Variants in SOX5 observed in about 807,000 individuals in gnomAD.
SOX5 encodes SRY-box transcription factor 5, also known as transcription factor SOX-5.
SOX5 carries 9 observed loss-of-function variants against 92.0 expected under a neutral mutation model. That is an observed-to-expected ratio of 0.10 (90% confidence interval 0.06 to 0.17). The LOEUF (loss-of-function observed/expected upper bound fraction) is 0.17, where lower values mean the gene tolerates loss of function less well. Ranked by LOEUF, SOX5 falls within the 10% of genes least tolerant of loss-of-function variation. The pLI is 1.00. For synonymous variants in SOX5, 344 were observed against 336.3 expected (o/e 1.02, Z -0.25); for missense variants, 642 against 944.5 (o/e 0.68, Z 4.20).
chr12:23,571,683 A>G (rs1948404638), intron 10 of SOX5, among the ~76,000 whole-genome samples: 1 of 152,206 alleles, frequency 6.6e-6, no homozygotes, highest in African/African-American at 2.4e-5. Context: ...ATAAGTTACT[A>G]GATTTTTATG....
rs188713507 is a variant in SOX5 at position 23,710,952 on chromosome 12, A to G, written c.810+23732T>C. 2.6e-5 allele frequency among the ~76,000 whole-genome samples: 4 copies of G among 152,298 alleles called. No individual in the cohort carries two copies. The East Asian group carries it at 7.7e-4, about 29-fold the overall frequency. On this transcript the variant is annotated intron_variant, in intron 6 of 14. Transcript: ENST00000451604. ...ACCATTCTAACTGGTGTGAGATGGT[A>G]TCTAATTGTGGTTTTGATTTAGTGC...
chr12:24,208,016 T>C (rs933780503), intron 4 of SOX5, among the ~76,000 whole-genome samples: 10 of 152,214 alleles, frequency 6.6e-5, no homozygotes, highest in Non-Finnish European at 1.5e-4. Context: ...TGATTTCCTA[T>C]ATCTGTGAAT....
intron 2 of SOX5, among the ~76,000 whole-genome samples, chr12:23,884,153 C>G (rs2137231543): frequency 6.6e-6 from 1 of 152,300 alleles, no homozygotes; most frequent in East Asian, 1.9e-4. Context: ...TTTTACGTGT[C>G]TTGACTACTT....
chr12:23,723,216 C>T (rs1376562776), intron 6 of SOX5, among the ~76,000 whole-genome samples: 1 of 150,350 alleles, frequency 6.7e-6, no homozygotes, highest in Non-Finnish European at 1.5e-5. Context: ...CTTTCTCCCT[C>T]TCTCTCTCTC....
At chr12:23,539,250 G>C (rs1941366894) in intron 13 of SOX5, among the ~76,000 whole-genome samples, 1 of 152,094 alleles carries the variant, frequency 6.6e-6, no homozygotes, top group African/African-American at 2.4e-5. Flanking sequence ...CTGTTTGTTT[G>C]TATATTTCCT....
At chr12:23,632,943 TA>T (rs1306820817) in intron 8 of SOX5, among the ~76,000 whole-genome samples, 1 of 152,170 alleles carries the variant, frequency 6.6e-6, no homozygotes, top group Non-Finnish European at 1.5e-5. Flanking sequence ...TATGAATTTT[TA>T]AAATAGTCCT....
intron 2 of SOX5, among the ~76,000 whole-genome samples, chr12:24,297,128 C>A (rs992893751): frequency 8.5e-5 from 13 of 152,174 alleles, no homozygotes; most frequent in African/African-American, 3.1e-4. Flanking sequence ...AGTTTAGGTT[C>A]TTTCTTAATC....
intron 1 of SOX5, among the ~76,000 whole-genome samples, chr12:23,908,581 A>G (rs2097317351): frequency 6.6e-6 from 1 of 151,950 alleles, no homozygotes; most frequent in African/African-American, 2.4e-5. Flanking sequence ...ACGTATATAC[A>G]GTGCACAAAT....
At chr12:24,554,617 A>G (rs1953578653) in intron 1 of SOX5, among the ~76,000 whole-genome samples, 1 of 152,126 alleles carries the variant, frequency 6.6e-6, no homozygotes, top group Non-Finnish European at 1.5e-5. Context: ...AACACAGAGA[A>G]CCACCTAAAA....
At chr12:23,973,936 CA>C (rs1361066385) in intron 4 of SOX5, among the ~76,000 whole-genome samples, 1 of 152,326 alleles carries the variant, frequency 6.6e-6, no homozygotes, top group African/African-American at 2.4e-5. Context: ...AAACCATCCC[CA>C]CTCCCTGCCT....
At chr12:24,116,138 T>C (rs975380118) in intron 4 of SOX5, among the ~76,000 whole-genome samples, 6 of 152,190 alleles carry the variant, frequency 3.9e-5, no homozygotes, top group African/African-American at 1.4e-4. Flanking sequence ...AATCCTCTTC[T>C]TTCATAGCAG....
intron 2 of SOX5, 75 bp downstream of exon 2, chr12:23,895,718 G>T: frequency 1.0e-6 from 1 of 985,098 alleles, no homozygotes; most frequent in Non-Finnish European, 1.6e-6. Flanking sequence ...TAAAGCAAAG[G>T]ACTGAGGCCA....
At chr12:23,563,429 A>G in intron 10 of SOX5, 26 bp from the exon 11 acceptor site, 1 of 1,607,230 alleles carries the variant, frequency 6.2e-7, no homozygotes, top group Non-Finnish European at 8.5e-7. Context: ...ATCAAAGGAT[A>G]TCTTTTGTAT....
chr12:23,888,482 A>T (rs538871023), intron 2 of SOX5, among the ~76,000 whole-genome samples: 1 of 152,166 alleles, frequency 6.6e-6, no homozygotes, highest in Non-Finnish European at 1.5e-5. Flanking sequence ...TCTCAACAGA[A>T]GTACTTCAAA....
intron 2 of SOX5, among the ~76,000 whole-genome samples, chr12:23,855,791 A>G (rs956860172): frequency 4.6e-5 from 7 of 152,246 alleles, no homozygotes; most frequent in Non-Finnish European, 1.0e-4. Flanking sequence ...TGAGAATTAT[A>G]AAAGAAAAAG....
At chr12:23,853,543 G>GTTTT (rs67299596) in intron 2 of SOX5, among the ~76,000 whole-genome samples, 131 of 129,046 alleles carry the variant, frequency 1.0e-3, no homozygotes, top group South Asian at 1.7e-3. Context: ...TGTCTAACGT[G>GTTTT]TTTTTTTTTT....
chr12:24,515,841 T>C (rs911237502), intron 1 of SOX5, among the ~76,000 whole-genome samples: 1 of 152,064 alleles, frequency 6.6e-6, no homozygotes, highest in African/African-American at 2.4e-5. Flanking sequence ...TACAAGCGAG[T>C]TGTTTTGTAA....
intron 1 of SOX5, among the ~76,000 whole-genome samples, chr12:24,438,594 A>G (rs1013381124): frequency 2.0e-5 from 3 of 152,200 alleles, no homozygotes; most frequent in Non-Finnish European, 1.5e-5. Context: ...GGTAAAAAAG[A>G]AAAAATCAAC....
At position 23,734,706 on chromosome 12, in the gene SOX5, T is replaced by C. The variant is rs746557845; in HGVS notation, c.788A>G (p.Asn263Ser). ...QQLLQQQHKI[N>S]LLQQQIQVQG... ...GACCTGGATCTGTTGCTGGAGCAAATTGATTTTGTGTTGTTGCTGTAGAAG... is the reference window on the plus strand; with the variant it reads ...GACCTGGATCTGTTGCTGGAGCAAACTGATTTTGTGTTGTTGCTGTAGAAG... Residue 263 changes from asparagine to serine, a missense_variant, in exon 6 of 15, where the codon AAT (asparagine) becomes AGT (serine). Physicochemically the swap from Asn to Ser is conservative, Grantham distance 46. Transcript: ENST00000451604. 9 of 1,612,898 alleles carry C rather than the reference T, an allele frequency of 5.6e-6. No individual in the cohort carries two copies. The highest frequency in any genetic ancestry group is 2.2e-5 in the South Asian group (2 of 90,942).
Sources: allele counts gnomAD v4.1 joint callset (sites outside exome capture counted in the v4.1 genomes callset), GRCh38; gene constraint gnomAD v4.1.1; transcripts MANE v1.5; gene names NCBI Gene and HGNC (gene_info 2026-07-23, HGNC 2026-07-21).